The following MBNL2 variants were observed in gnomAD, a reference collection of about 807,000 sequenced individuals.
MBNL2 encodes the protein muscleblind like splicing regulator 2.
In MBNL2, 17 loss-of-function variants were observed where a neutral mutation model predicts 41.9. The observed-to-expected ratio is 0.41, with a 90% confidence interval of 0.28 to 0.61. MBNL2 has a LOEUF of 0.61. MBNL2 is among the 20% of genes least tolerant of loss of function. MBNL2 has a pLI of 0.35. For synonymous variants in MBNL2, 195 were observed against 182.9 expected, an observed-to-expected ratio of 1.07 and a Z score of -0.53; for missense variants, 336 against 505.6, an observed-to-expected ratio of 0.66 and a Z score of 3.22.
At chr13:97,203,940 AGACGGATGGATG>A in the MBNL2 span, among the ~76,000 whole-genome samples, 7 of 152,022 alleles carry the variant, frequency 4.6e-5, no homozygotes, top group African/African-American at 1.7e-4. Flanking sequence ...ATGGATGGAC[AGACGGATGGATG>A]GACAGATGGA....
intron 2 of MBNL2, among the ~76,000 whole-genome samples, chr13:97,301,661 G>A (rs138072598): frequency 3.5e-3 from 531 of 152,286 alleles, no homozygotes; most frequent in Non-Finnish European, 5.8e-3. Flanking sequence ...TGCTTCACTT[G>A]GCATTGAGTT....
chr13:97,349,258 C>T (rs1304340661), intron 5 of MBNL2, among the ~76,000 whole-genome samples: 1 of 151,770 alleles, frequency 6.6e-6, no homozygotes, highest in South Asian at 2.1e-4. Context: ...GAGTAGTTTC[C>T]GAAACTCATT....
chr13:97,202,826 A>T, the MBNL2 span, among the ~76,000 whole-genome samples: 1 of 152,180 alleles, frequency 6.6e-6, no homozygotes, highest in East Asian at 1.9e-4. Flanking sequence ...CGTTCAGCTG[A>T]GAAGTGGGTG....
intron 8 of MBNL2, among the ~76,000 whole-genome samples, chr13:97,374,174 G>A (rs1375285210): frequency 1.4e-5 from 2 of 147,128 alleles, no homozygotes; most frequent in Non-Finnish European, 3.0e-5. Flanking sequence ...TTGAAACGGA[G>A]TCTCGCTCTG....
At chr13:97,159,398 T>G in the MBNL2 span, among the ~76,000 whole-genome samples, 1 of 152,036 alleles carries the variant, frequency 6.6e-6, no homozygotes, top group Non-Finnish European at 1.5e-5. Flanking sequence ...CCATTTACAT[T>G]TAAAGTTAAT....
intron 3 of MBNL2, among the ~76,000 whole-genome samples, chr13:97,340,016 G>C (rs187693962): frequency 2.6e-3 from 401 of 152,300 alleles, no homozygotes; most frequent in African/African-American, 9.4e-3. Context: ...CATTGACCTT[G>C]GGTTATCCAT....
At chr13:97,233,778 C>T (rs2042811001) in intron 1 of MBNL2, among the ~76,000 whole-genome samples, 1 of 151,810 alleles carries the variant, frequency 6.6e-6, no homozygotes, top group African/African-American at 2.4e-5. Context: ...CAGCAGAGAG[C>T]TTTGGTCCTT....
the MBNL2 span, among the ~76,000 whole-genome samples, chr13:97,176,752 C>A: frequency 2.6e-5 from 4 of 152,250 alleles, no homozygotes; most frequent in South Asian, 8.3e-4. Flanking sequence ...ACCTTAATAG[C>A]CTTTTCCTAC....
intron 8 of MBNL2, among the ~76,000 whole-genome samples, chr13:97,382,634 C>T (rs1389498028): frequency 6.6e-6 from 1 of 151,930 alleles, no homozygotes; most frequent in Non-Finnish European, 1.5e-5. Flanking sequence ...CCACCTTCTT[C>T]CCCATTTCTC....
chr13:97,384,041 A>G (rs895820754), intron 8 of MBNL2, among the ~76,000 whole-genome samples: 1 of 151,924 alleles, frequency 6.6e-6, no homozygotes, highest in Non-Finnish European at 1.5e-5. Context: ...CTGGGATTAC[A>G]GGCGTGCACC....
intron 1 of MBNL2, among the ~76,000 whole-genome samples, chr13:97,242,922 G>T (rs927900004): frequency 8.5e-5 from 13 of 152,204 alleles, no homozygotes; most frequent in African/African-American, 1.2e-4. Context: ...GAAGGAAAAT[G>T]AAAGCCGACT....
At chr13:97,181,534 CA>C in the MBNL2 span, among the ~76,000 whole-genome samples, 2 of 152,030 alleles carry the variant, frequency 1.3e-5, no homozygotes, top group East Asian at 3.9e-4. Flanking sequence ...TTGTTTTTAC[CA>C]AAAAAAGTTT....
At chr13:97,189,251 G>A in the MBNL2 span, among the ~76,000 whole-genome samples, 25 of 152,210 alleles carry the variant, frequency 1.6e-4, no homozygotes, top group East Asian at 2.5e-3. Flanking sequence ...TTCTAAGGTC[G>A]ATTTAATTAC....
the MBNL2 span, among the ~76,000 whole-genome samples, chr13:97,189,674 A>G: frequency 2.6e-5 from 4 of 152,210 alleles, no homozygotes; most frequent in African/African-American, 4.8e-5. Flanking sequence ...GTAAATGTGT[A>G]TGCATATTTT....
the MBNL2 span, among the ~76,000 whole-genome samples, chr13:97,149,450 G>A: frequency 2.0e-5 from 3 of 152,078 alleles, no homozygotes; most frequent in African/African-American, 4.8e-5. Context: ...TTGGGCTATA[G>A]CTTCACAAGT....
At chr13:97,195,230 G>GT in the MBNL2 span, among the ~76,000 whole-genome samples, 1 of 152,082 alleles carries the variant, frequency 6.6e-6, no homozygotes, top group Non-Finnish European at 1.5e-5. Context: ...TCTTCTGCCT[G>GT]TGCCTTGTTC....
chr13:97,260,373 G>A (rs2048377550), intron 1 of MBNL2, among the ~76,000 whole-genome samples: 1 of 152,198 alleles, frequency 6.6e-6, no homozygotes, highest in Non-Finnish European at 1.5e-5. Context: ...GAGGTGGGGA[G>A]CCATTGGAGG....
the MBNL2 span, among the ~76,000 whole-genome samples, chr13:97,178,812 G>C: frequency 6.6e-6 from 1 of 152,098 alleles, no homozygotes; most frequent in Admixed American, 6.5e-5. Flanking sequence ...TGGAAGGATT[G>C]CTTGAGCCCA....
At chr13:97,240,390 ATTAAAT>A (rs2044047513) in intron 1 of MBNL2, among the ~76,000 whole-genome samples, 1 of 152,186 alleles carries the variant, frequency 6.6e-6, no homozygotes, top group Non-Finnish European at 1.5e-5. Context: ...GATGCTTGGG[ATTAAAT>A]GAGATCACCT....
Sources: gnomAD v4.1 joint callset for allele counts (sites outside exome capture counted in the v4.1 genomes callset) on GRCh38, gnomAD v4.1.1 for gene constraint, MANE v1.5 for transcripts, NCBI Gene and HGNC (gene_info 2026-07-23, HGNC 2026-07-21) for gene names.